The following NPEPPS variants were observed in gnomAD, a reference collection of about 807,000 sequenced individuals.
NPEPPS encodes the protein puromycin-sensitive aminopeptidase.
NPEPPS carries 14 observed loss-of-function variants against 115.5 expected under a neutral mutation model. That is an observed-to-expected ratio of 0.12 (90% CI 0.08 to 0.19). NPEPPS has a LOEUF of 0.19. NPEPPS is among the 10% of genes least tolerant of loss of function. The probability of loss-of-function intolerance (pLI) is 1.00; values close to 1 mark genes in which losing one functional copy is unlikely to be tolerated. For missense variants in NPEPPS, 523 were observed against 1,110.8 expected (o/e 0.47, Z 7.52); for synonymous variants, 285 against 390.6 (o/e 0.73, Z 3.19).
intron 2 of NPEPPS, among the ~76,000 whole-genome samples, chr17:47,562,636 A>G (rs62073983): frequency 4.1e-5 from 6 of 147,620 alleles, no homozygotes; most frequent in African/African-American, 1.0e-4. Flanking sequence ...GTGTGTGTAT[A>G]TGTGTGTGTT....
At chr17:47,553,297 T>C (rs1228372043) in intron 2 of NPEPPS, among the ~76,000 whole-genome samples, 1 of 150,218 alleles carries the variant, frequency 6.7e-6, no homozygotes, top group Non-Finnish European at 1.5e-5. Context: ...TGCTTGAACC[T>C]GGGAGGCAGA....
chr17:47,533,043 A>G (rs1280996578), intron 1 of NPEPPS, among the ~76,000 whole-genome samples: 2 of 152,204 alleles, frequency 1.3e-5, no homozygotes, highest in East Asian at 1.9e-4. Flanking sequence ...TGAAGTGAAG[A>G]CTGGTGCTCG....
At chr17:47,537,965 C>T (rs1051184649) in intron 1 of NPEPPS, among the ~76,000 whole-genome samples, 2 of 150,562 alleles carry the variant, frequency 1.3e-5, no homozygotes, top group African/African-American at 2.4e-5. Context: ...ACAATCTCGG[C>T]TCACTGCAAC....
intron 17 of NPEPPS, 53 bp downstream of exon 17, chr17:47,605,605 A>G: frequency 9.1e-7 from 1 of 1,101,256 alleles, no homozygotes; most frequent in Non-Finnish European, 1.3e-6. Context: ...GTACTTTTTT[A>G]TGTGGTTAAC....
Position 47,545,810 on chromosome 17 carries a change from G to T in NPEPPS, c.256-99G>T, listed in dbSNP as rs1051835429. Reference sequence around the variant, plus strand: ...GATCCTCTTTGCTTGGCCTCCCAAAGTGCTGGGATTACAGGTGTGTGCCAA... The same window carrying T: ...GATCCTCTTTGCTTGGCCTCCCAAATTGCTGGGATTACAGGTGTGTGCCAA... On this transcript the variant is annotated intron_variant, in intron 1 of 22. Coordinates refer to ENST00000322157, the MANE Select transcript of NPEPPS (RefSeq NM_006310.4). 20 of 1,476,250 alleles carry T rather than the reference G, an allele frequency of 1.4e-5. No individual in the cohort carries two copies. In the African/African-American group the frequency reaches 2.7e-4, roughly 20 times the overall value. 91.4% of individuals were successfully genotyped at this position (1,476,250 alleles called of 1,614,324 possible). A position where few individuals can be genotyped will look rare whatever the true frequency, so the allele number is the denominator to read the frequency against.
At chr17:47,596,555 C>G (rs547387858) in intron 13 of NPEPPS, 93 bp downstream of exon 13, 2 of 662,272 alleles carry the variant, frequency 3.0e-6, no homozygotes, top group South Asian at 3.0e-5. Context: ...TTTAAGTTTT[C>G]TAGTGACATT....
In NPEPPS at chr17:47,605,293, G is replaced by T. The variant is rs1193981484; in HGVS notation, c.1876-40G>T. 3 of 1,464,276 alleles carry T rather than the reference G, an allele frequency of 2.0e-6. No homozygotes were observed. In the Admixed American group the frequency reaches 7.0e-5, roughly 34 times the overall value. 90.7% of individuals were successfully genotyped at this position (1,464,276 alleles called of 1,614,324 possible). On this transcript the variant is annotated intron_variant, in intron 16 of 22. Coordinates refer to ENST00000322157, the MANE Select transcript of NPEPPS (RefSeq NM_006310.4). The stretch of plus-strand genomic sequence containing the variant: ...ATGCATGCTTATGTTTTTTGGTTTT[G>T]TTTGAAGACTAGGTTAATTTATGTT...
intron 1 of NPEPPS, among the ~76,000 whole-genome samples, chr17:47,544,643 C>T (rs1323875925): frequency 1.3e-5 from 2 of 150,520 alleles, no homozygotes; most frequent in African/African-American, 2.4e-5. Flanking sequence ...AAGCAATTGT[C>T]GTGCCTCAGC....
rs555000613 is a variant in NPEPPS, at chr17:47,532,090, G to C, written c.255+535G>C. ...GCGACGAGGGGAGCTTCTAGAAGGGGGGGGAGAGGGTGAGAACGAGAATGT... is the reference window on the plus strand; with the variant it reads ...GCGACGAGGGGAGCTTCTAGAAGGGCGGGGAGAGGGTGAGAACGAGAATGT... On this transcript the variant is annotated intron_variant, in intron 1 of 22. Coordinates refer to ENST00000322157, the MANE Select transcript of NPEPPS (RefSeq NM_006310.4). 7.9e-5 allele frequency among the ~76,000 whole-genome samples: 12 copies of C among 152,224 alleles called. No homozygotes were observed. The South Asian group carries it at 1.7e-3, about 21-fold the overall frequency.
chr17:47,530,774 T>TG (rs1907678713), upstream of NPEPPS, among the ~76,000 whole-genome samples: 1 of 152,172 alleles, frequency 6.6e-6, no homozygotes. Context: ...GAATCCAGTT[T>TG]GGGGTTTTGC....
At chr17:47,527,030 GA>G (rs1052011050), upstream of NPEPPS, among the ~76,000 whole-genome samples, 1 of 151,212 alleles carries the variant, frequency 6.6e-6, no homozygotes, top group Non-Finnish European at 1.5e-5. Flanking sequence ...TCTCAGGAGA[GA>G]AAAAAAAATG....
chr17:47,619,226 C>T (rs1914388839), intron 21 of NPEPPS, 62 bp downstream of exon 21: 1 of 1,421,790 alleles, frequency 7.0e-7, no homozygotes, highest in East Asian at 2.4e-5. Flanking sequence ...ATCCATGATT[C>T]ACTACACCCA....
At chr17:47,579,066 C>T (rs139912984) in intron 3 of NPEPPS, among the ~76,000 whole-genome samples, 500 of 152,264 alleles carry the variant, frequency 3.3e-3, no homozygotes, top group African/African-American at 0.012. Context: ...AAGCACTATG[C>T]ACAATAGCAC....
At chr17:47,600,223 C>T (rs993378209) in intron 14 of NPEPPS, among the ~76,000 whole-genome samples, 4 of 152,068 alleles carry the variant, frequency 2.6e-5, no homozygotes, top group African/African-American at 7.2e-5. Context: ...TGCTTGAGCC[C>T]AGGGGTTCGA....
At chr17:47,555,347 CTTT>C (rs11301327) in intron 2 of NPEPPS, among the ~76,000 whole-genome samples, 16 of 118,106 alleles carry the variant, frequency 1.4e-4, no homozygotes, top group Admixed American at 1.8e-4. Context: ...GTATGCTGTT[CTTT>C]TTTTTTTTTT....
chr17:47,550,101 A>G (rs1391299055), intron 2 of NPEPPS, among the ~76,000 whole-genome samples: 1 of 151,360 alleles, frequency 6.6e-6, no homozygotes, highest in Non-Finnish European at 1.5e-5. Context: ...CGCCCAGCTA[A>G]TTTTTGTATT....
Position 47,618,411 on chromosome 17 carries a change from C to T in NPEPPS, c.2357C>T (p.Thr786Ile). The T allele has an allele frequency of 6.2e-7, 1 of 1,613,924 alleles. No individual in the cohort carries two copies. The highest frequency in any genetic ancestry group is 1.1e-5 in the South Asian group (1 of 91,080). The change falls in exon 20 of 23, where the codon ACT (threonine) becomes ATT (isoleucine). Residue 786 changes from threonine (T) to isoleucine (I), a missense_variant. Coordinates refer to ENST00000322157, the MANE Select transcript of NPEPPS (RefSeq NM_006310.4). ...KNRIERVLGA[T>I]LLPDLIQKVL... ...CGAATCGAAAGAGTCCTTGGCGCTA[C>T]TCTTTTGCCTGACCTGATTCAAAAA...
rs146721174 is a variant in NPEPPS at position 47,555,425 on chromosome 17, G to A, written c.340+9432G>A. Among the ~76,000 whole-genome samples the A allele has an allele frequency of 2.8e-3, 416 of 150,068 alleles. 3 individuals carry two copies. Among genetic ancestry groups the A allele is most frequent in the African/African-American group, 9.9e-3 (402 of 40,736 alleles). On this transcript the variant is annotated intron_variant, in intron 2 of 22. Coordinates refer to ENST00000322157, the MANE Select transcript of NPEPPS (RefSeq NM_006310.4). ...TGCAATGGCATGATTTTGGCTCGCC[G>A]TAACCTCAGCCTCCCGGGTTCAAGT...
At chr17:47,539,819 T>G (rs1055473007) in intron 1 of NPEPPS, among the ~76,000 whole-genome samples, 31 of 152,288 alleles carry the variant, frequency 2.0e-4, no homozygotes, top group Non-Finnish European at 3.2e-4. Context: ...ATTATCTGCT[T>G]CTTCTTGTCT....
Sources: allele counts gnomAD v4.1 joint callset (sites outside exome capture counted in the v4.1 genomes callset), GRCh38; gene constraint gnomAD v4.1.1; transcripts MANE v1.5; gene names NCBI Gene and HGNC (gene_info 2026-07-23, HGNC 2026-07-21).